Variants in RPTOR observed in about 807,000 individuals in gnomAD.
The protein encoded by RPTOR is regulatory-associated protein of mTOR.
Under a neutral mutation model 169.9 loss-of-function variants are expected in RPTOR, and 21 were observed. The ratio of observed to expected loss-of-function variants is 0.12; its 90% CI spans 0.09 to 0.18. RPTOR has a LOEUF of 0.18. Among genes scored for constraint, RPTOR ranks in the 10% least tolerant of loss-of-function variants. The pLI is 1.00. For missense variants in RPTOR, 1,133 were observed against 1,855.9 expected (o/e 0.61, Z 7.16); for synonymous variants, 732 against 753.2 (o/e 0.97, Z 0.46).
rs565372652 is a variant in RPTOR, at chr17:80,854,664, C to T, written c.1315-800C>T. ...ATCCCTACACTTCGGGAGGCTGAAG[C>T]GGGAGGGTTGCTTGAGCCAGAAGTT... On this transcript the variant is annotated intron_variant, in intron 11 of 33. Coordinates refer to ENST00000306801, the MANE Select transcript of RPTOR (RefSeq NM_020761.3). 1.6e-4 allele frequency among the ~76,000 whole-genome samples: 24 copies of T among 152,348 alleles called. 1 individual carries two copies. Among genetic ancestry groups the T allele is most frequent in the Non-Finnish European group, 1.6e-4 (11 of 68,036 alleles).
intron 21 of RPTOR, among the ~76,000 whole-genome samples, chr17:80,920,266 C>T (rs1308231654): frequency 1.3e-5 from 2 of 152,228 alleles, no homozygotes; most frequent in East Asian, 3.8e-4. Flanking sequence ...CCACACCCAG[C>T]GCAATCAACG....
At chr17:80,751,902 TG>T (rs2066634248) in intron 5 of RPTOR, among the ~76,000 whole-genome samples, 1 of 152,170 alleles carries the variant, frequency 6.6e-6, no homozygotes. Context: ...TTCTGTACCT[TG>T]TTGTTCCACA....
intron 27 of RPTOR, among the ~76,000 whole-genome samples, chr17:80,948,812 C>A (rs1161364158): frequency 6.6e-6 from 1 of 152,120 alleles, no homozygotes; most frequent in African/African-American, 2.4e-5. Flanking sequence ...ACACCCAGGC[C>A]GACCTCCCTG....
At chr17:80,795,864 G>A (rs951041342) in intron 7 of RPTOR, among the ~76,000 whole-genome samples, 10 of 152,252 alleles carry the variant, frequency 6.6e-5, no homozygotes, top group African/African-American at 2.2e-4. Context: ...GCCCGTGTCC[G>A]CCTCCCGCCA....
chr17:80,964,189 G>A (rs1026734634), intron 33 of RPTOR, 73 bp from the exon 34 acceptor site: 3 of 1,169,794 alleles, frequency 2.6e-6, no homozygotes, highest in Non-Finnish European at 2.5e-6. Context: ...ATGCGGGTTG[G>A]CCTGCGCCCC....
intron 20 of RPTOR, among the ~76,000 whole-genome samples, chr17:80,903,489 T>C (rs2068502646): frequency 6.6e-6 from 1 of 152,220 alleles, no homozygotes; most frequent in Non-Finnish European, 1.5e-5. Context: ...TGCGGCCGGC[T>C]GCACTGCGGC....
chr17:80,733,634 T>C (rs2143217109), intron 5 of RPTOR, among the ~76,000 whole-genome samples: 1 of 152,328 alleles, frequency 6.6e-6, no homozygotes, highest in East Asian at 1.9e-4. Context: ...TGCCATTAAG[T>C]TCTGTTTAAA....
At chr17:80,766,015 C>T (rs919676151) in intron 6 of RPTOR, among the ~76,000 whole-genome samples, 2 of 152,206 alleles carry the variant, frequency 1.3e-5, no homozygotes. Context: ...TATCTGTTTA[C>T]AGTAAGGGCC....
chr17:80,677,846 A>G (rs550258800), intron 3 of RPTOR, among the ~76,000 whole-genome samples: 17 of 152,260 alleles, frequency 1.1e-4, no homozygotes, highest in Non-Finnish European at 2.4e-4. Context: ...CTTCAACTGT[A>G]TGGTGTGTTG....
intron 17 of RPTOR, among the ~76,000 whole-genome samples, chr17:80,886,718 A>G (rs2143849969): frequency 6.6e-6 from 1 of 152,104 alleles, no homozygotes; most frequent in East Asian, 1.9e-4. Context: ...GTCCGGCGTC[A>G]CTCGCCTGCA....
chr17:80,831,618 A>C (rs1193387414), intron 9 of RPTOR, among the ~76,000 whole-genome samples: 2 of 152,202 alleles, frequency 1.3e-5, no homozygotes, highest in Non-Finnish European at 2.9e-5. Context: ...GGAGGCAGAG[A>C]TGTCAGATCT....
chr17:80,930,402 C>T (rs200159261), intron 24 of RPTOR, among the ~76,000 whole-genome samples: 2 of 14,210 alleles, frequency 1.4e-4, no homozygotes, highest in African/African-American at 2.2e-4. Context: ...TCATTCTCAG[C>T]TCATCCCCAG....
intron 3 of RPTOR, among the ~76,000 whole-genome samples, chr17:80,701,473 G>T (rs1041846737): frequency 6.6e-6 from 1 of 152,194 alleles, no homozygotes; most frequent in Non-Finnish European, 1.5e-5. Flanking sequence ...CCAGGGAAAT[G>T]CCGGGCAGGG....
chr17:80,726,307 G>A lies in RPTOR; in HGVS notation c.508-4253G>A, dbSNP rs561912453. The stretch of plus-strand genomic sequence containing the variant: ...GCCTCCTGGACGCACGCTAGGAGGT[G>A]GAGATGGTCCAGCCCCAGCAGGACT... On this transcript the variant is annotated intron_variant, in intron 4 of 33. Coordinates refer to ENST00000306801, the MANE Select transcript of RPTOR (RefSeq NM_020761.3). The surrounding 1 kb of genome is among the most constrained non-coding windows in gnomAD (Gnocchi z 4.5). Among the ~76,000 whole-genome samples the A allele has an allele frequency of 6.6e-6, 1 of 152,322 alleles. No individual in the cohort carries two copies. The highest frequency in any genetic ancestry group is 2.4e-5 in the African/African-American group (1 of 41,574).
At chr17:80,877,343 C>A (rs935021242) in intron 13 of RPTOR, among the ~76,000 whole-genome samples, 1 of 152,106 alleles carries the variant, frequency 6.6e-6, no homozygotes, top group Non-Finnish European at 1.5e-5. Flanking sequence ...TGTAAATGAC[C>A]CCTGCCGAGC....
chr17:80,760,766 AG>A (rs952718766), intron 6 of RPTOR, among the ~76,000 whole-genome samples: 24 of 152,362 alleles, frequency 1.6e-4, no homozygotes, highest in African/African-American at 5.5e-4. Flanking sequence ...ATGCTCGGGA[AG>A]GTGGATTCCC....
At chr17:80,950,272 C>A (rs72861358) in intron 28 of RPTOR, among the ~76,000 whole-genome samples, 1 of 152,258 alleles carries the variant, frequency 6.6e-6, no homozygotes, top group Non-Finnish European at 1.5e-5. Flanking sequence ...CAGCCCCCCT[C>A]TGCCGGCTCC....
chr17:80,829,300 A>C (rs2067477663), intron 9 of RPTOR, among the ~76,000 whole-genome samples: 1 of 152,204 alleles, frequency 6.6e-6, no homozygotes, highest in Non-Finnish European at 1.5e-5. Context: ...AGACAGCAGA[A>C]AGACGGGGCT....
chr17:80,838,564 G>A (rs1469550698), intron 10 of RPTOR, among the ~76,000 whole-genome samples: 1 of 152,236 alleles, frequency 6.6e-6, no homozygotes, highest in African/African-American at 2.4e-5. Flanking sequence ...TACGTGAGGC[G>A]CCAAGTCTGA....
Sources: gnomAD v4.1 joint callset for allele counts (sites outside exome capture counted in the v4.1 genomes callset) on GRCh38, gnomAD v4.1.1 for gene constraint, Gnocchi (gnomAD v3.1) non-coding constraint, MANE v1.5 for transcripts, NCBI Gene and HGNC (gene_info 2026-07-23, HGNC 2026-07-21) for gene names.